The following KATNIP variants were observed in gnomAD, a reference collection of about 807,000 sequenced individuals.
The protein encoded by KATNIP is katanin-interacting protein.
Under a neutral mutation model 174.0 loss-of-function variants are expected in KATNIP, and 126 were observed. That is an observed-to-expected ratio of 0.72 (90% CI 0.63 to 0.84). KATNIP has a LOEUF of 0.84. Among genes scored for constraint, KATNIP ranks in the 40% least tolerant of loss-of-function variants. The pLI is 0.00. For missense variants in KATNIP, 1,958 were observed against 2,109.7 expected (o/e 0.93, Z 1.41); for synonymous variants, 810 against 835.7 (o/e 0.97, Z 0.53).
intron 6 of KATNIP, among the ~76,000 whole-genome samples, 163 bp from the exon 7 acceptor site, chr16:27,677,566 T>G (rs2078168702): frequency 6.6e-6 from 1 of 151,896 alleles, no homozygotes; most frequent in East Asian, 1.9e-4. Flanking sequence ...TCCCCTGCCC[T>G]TTGTTTTCTC....
At chr16:27,773,002 A>G in intron 22 of KATNIP, 97 bp from the exon 23 acceptor site, 2 of 690,420 alleles carry the variant, frequency 2.9e-6, no homozygotes, top group South Asian at 3.6e-5. Flanking sequence ...TCATTCATCA[A>G]CATAAACCCA....
At chr16:27,749,217 G>A (rs2081399583) in intron 15 of KATNIP, among the ~76,000 whole-genome samples, 3 of 152,158 alleles carry the variant, frequency 2.0e-5, no homozygotes, top group South Asian at 4.1e-4. Flanking sequence ...AGAAAATTCA[G>A]TCTATGAAAA....
At chr16:27,732,766 C>T (rs1231235536) in intron 14 of KATNIP, among the ~76,000 whole-genome samples, 4 of 152,188 alleles carry the variant, frequency 2.6e-5, no homozygotes, top group South Asian at 4.1e-4. Flanking sequence ...GCAGTGAGTC[C>T]GGGAGACAAA....
chr16:27,658,804 C>G (rs2077375978), intron 6 of KATNIP, among the ~76,000 whole-genome samples: 1 of 152,118 alleles, frequency 6.6e-6, no homozygotes, highest in African/African-American at 2.4e-5. Context: ...ACTCAGCTGC[C>G]CAGGCTGGAG....
At chr16:27,550,216 A>G in intron 1 of KATNIP, 39 bp downstream of exon 1, 1 of 1,600,430 alleles carries the variant, frequency 6.2e-7, no homozygotes, top group Non-Finnish European at 8.5e-7. Flanking sequence ...TCGGGCTGTT[A>G]TTCTCCCATC....
chr16:27,574,029 A>T, intron 2 of KATNIP, 73 bp downstream of exon 2: 1 of 1,335,786 alleles, frequency 7.5e-7, no homozygotes, highest in Non-Finnish European at 1.1e-6. Context: ...AGGGTGGCGA[A>T]TAAGTGTCCC....
At chr16:27,590,351 T>A (rs901860448) in intron 2 of KATNIP, among the ~76,000 whole-genome samples, 5 of 151,762 alleles carry the variant, frequency 3.3e-5, no homozygotes, top group Admixed American at 6.6e-5. Context: ...TTTTTTTTTT[T>A]ATTTATAGAG....
intron 14 of KATNIP, among the ~76,000 whole-genome samples, chr16:27,734,605 G>T (rs774795477): frequency 6.6e-6 from 1 of 152,124 alleles, no homozygotes; most frequent in East Asian, 1.9e-4. Flanking sequence ...GCTGAGGCAC[G>T]AGAATCGCTT....
At chr16:27,765,419 G>T (rs1164960194) in intron 19 of KATNIP, among the ~76,000 whole-genome samples, 2 of 152,248 alleles carry the variant, frequency 1.3e-5, no homozygotes, top group African/African-American at 4.8e-5. Flanking sequence ...CAGAGTGCCA[G>T]CTGGGAAGAG....
intron 1 of KATNIP, among the ~76,000 whole-genome samples, chr16:27,568,439 G>C (rs2090167054): frequency 6.6e-6 from 1 of 152,128 alleles, no homozygotes; most frequent in Non-Finnish European, 1.5e-5. Flanking sequence ...TTACAGGTGT[G>C]AGCAACCGGG....
At chr16:27,581,685 C>A (rs1242642554) in intron 2 of KATNIP, among the ~76,000 whole-genome samples, 1 of 152,118 alleles carries the variant, frequency 6.6e-6, no homozygotes, top group Non-Finnish European at 1.5e-5. Flanking sequence ...TTGATGCACC[C>A]ATCACCCAAG....
chr16:27,748,935 G>A (rs949859660), intron 15 of KATNIP, among the ~76,000 whole-genome samples: 3 of 152,022 alleles, frequency 2.0e-5, no homozygotes, highest in African/African-American at 7.2e-5. Flanking sequence ...CCCGTACCAG[G>A]ATATGCTGCA....
At chr16:27,679,770 A>AAG (rs2078260848) in intron 7 of KATNIP, among the ~76,000 whole-genome samples, 2 of 150,316 alleles carry the variant, frequency 1.3e-5, no homozygotes, top group Admixed American at 1.3e-4. Context: ...AAAAAAAAAA[A>AAG]GTTTGAAGAG....
chr16:27,623,441 C>CA (rs1419075139), intron 3 of KATNIP, among the ~76,000 whole-genome samples: 1 of 152,092 alleles, frequency 6.6e-6, no homozygotes, highest in Non-Finnish European at 1.5e-5. Flanking sequence ...TCATTATCAT[C>CA]ATTCAGTTAT....
chr16:27,684,608 A>G (rs930077188), intron 8 of KATNIP, among the ~76,000 whole-genome samples: 2 of 152,370 alleles, frequency 1.3e-5, no homozygotes, highest in African/African-American at 4.8e-5. Context: ...AGAGTGGCTT[A>G]AGCAATGGAA....
chr16:27,645,566 G>A (rs2076933986), intron 5 of KATNIP, among the ~76,000 whole-genome samples: 1 of 152,178 alleles, frequency 6.6e-6, no homozygotes, highest in Admixed American at 6.5e-5. Flanking sequence ...AGAGAACATG[G>A]CTCCTGTTTT....
At chr16:27,574,118 A>C (rs1434369464) in intron 2 of KATNIP, 162 bp downstream of exon 2, 1 of 615,546 alleles carries the variant, frequency 1.6e-6, no homozygotes, top group African/African-American at 1.8e-5. Flanking sequence ...TTACCAACCC[A>C]GTGTCACTTG....
chr16:27,754,554 T>C (rs1597383468), intron 18 of KATNIP: 2 of 350,508 alleles, frequency 5.7e-6, no homozygotes, highest in East Asian at 6.4e-5. Context: ...GGAGGTGTAG[T>C]TGGCACCCAG....
chr16:27,618,177 G>A (rs1472896870), intron 2 of KATNIP, among the ~76,000 whole-genome samples: 2 of 152,204 alleles, frequency 1.3e-5, no homozygotes, highest in Non-Finnish European at 2.9e-5. Flanking sequence ...GGAACGAACA[G>A]TAGCGAGAGG....
Sources: allele counts gnomAD v4.1 joint callset (sites outside exome capture counted in the v4.1 genomes callset), GRCh38; gene constraint gnomAD v4.1.1; transcripts MANE v1.5; gene names NCBI Gene and HGNC (gene_info 2026-07-23, HGNC 2026-07-21).